IPCEF1: variants seen among roughly 807,000 people sequenced by gnomAD.
IPCEF1 encodes the protein interactor protein for cytohesin exchange factors 1.
A neutral mutation model predicts 50.9 loss-of-function variants in IPCEF1; 31 were observed. The observed-to-expected ratio is 0.61, with a 90% CI of 0.46 to 0.82. The LOEUF is 0.82. Ranked by LOEUF, IPCEF1 falls within the 40% of genes least tolerant of loss-of-function variation. The pLI, the probability that IPCEF1 is intolerant of heterozygous loss-of-function variation, is 0.00. For synonymous variants in IPCEF1, 181 were observed against 192.0 expected (o/e 0.94, Z 0.47); for missense variants, 458 against 514.0 (o/e 0.89, Z 1.05).
At chr6:154,354,615 TACGACC>T in intron 1 of IPCEF1, among the ~76,000 whole-genome samples, 1 of 148,142 alleles carries the variant, frequency 6.8e-6, no homozygotes, top group South Asian at 2.2e-4. Flanking sequence ...TCACCTCCCC[TACGACC>T]ACCACTTCCA....
chr6:154,183,390 T>C (rs924339842), intron 10 of IPCEF1, among the ~76,000 whole-genome samples: 2 of 152,246 alleles, frequency 1.3e-5, no homozygotes, highest in African/African-American at 2.4e-5. Context: ...ACCATATTCA[T>C]GGATGACTTA....
intron 2 of IPCEF1, among the ~76,000 whole-genome samples, chr6:154,272,317 A>T (rs1037102841): frequency 6.6e-6 from 1 of 152,252 alleles, no homozygotes; most frequent in Non-Finnish European, 1.5e-5. Context: ...GGGATTGAAC[A>T]AGTGTGATAA....
At chr6:154,253,851 T>C (rs1411323853) in intron 3 of IPCEF1, among the ~76,000 whole-genome samples, 1 of 152,206 alleles carries the variant, frequency 6.6e-6, no homozygotes, top group Non-Finnish European at 1.5e-5. Flanking sequence ...TCTCTTTCAT[T>C]AATGTCTGCT....
intron 1 of IPCEF1, among the ~76,000 whole-genome samples, chr6:154,326,672 T>C (rs1183100350): frequency 6.6e-6 from 1 of 152,202 alleles, no homozygotes; most frequent in Admixed American, 6.5e-5. Context: ...GCTATTCTCA[T>C]TAAACTACCA....
chr6:154,309,188 T>C (rs1783011304), intron 1 of IPCEF1, among the ~76,000 whole-genome samples: 1 of 152,184 alleles, frequency 6.6e-6, no homozygotes, highest in African/African-American at 2.4e-5. Flanking sequence ...ACAGATAACT[T>C]TCCCTGAGCT....
In IPCEF1 at chr6:154,258,717, A is replaced by G. The variant is rs184831861; in HGVS notation, c.36+7195T>C. Among the ~76,000 whole-genome samples the G allele has an allele frequency of 3.0e-3, 464 of 152,274 alleles. 16 individuals carry two copies. Among genetic ancestry groups the G allele is most frequent in the Non-Finnish European group, 1.0e-3 (70 of 68,016 alleles). ...GTTCTCTCTTAAACAATGACCAACC[A>G]TCTCATTCCTGGACTCCCCGTCTAC... On this transcript the variant is annotated intron_variant, in intron 3 of 11. Coordinates refer to ENST00000367220, the MANE Select transcript of IPCEF1 (RefSeq NM_001130700.2).
chr6:154,265,569 G>A lies in IPCEF1; in HGVS notation c.36+343C>T, dbSNP rs117482020. Among the ~76,000 whole-genome samples, 264 of 152,136 alleles carry A rather than the reference G, an allele frequency of 1.7e-3. 2 individuals are homozygous for A. The highest frequency in any genetic ancestry group is 3.0e-3 in the Non-Finnish European group (207 of 67,982). On this transcript the variant is annotated intron_variant, in intron 3 of 11. Coordinates refer to ENST00000367220, the MANE Select transcript of IPCEF1 (RefSeq NM_001130700.2). ...GCTGGGATTACAGGCATGAGCCACC[G>A]TGCCCAGCCCTATTTCAGTGAAATT...
At chr6:154,259,001 C>A (rs1022240451) in intron 3 of IPCEF1, among the ~76,000 whole-genome samples, 1 of 152,186 alleles carries the variant, frequency 6.6e-6, no homozygotes, top group Non-Finnish European at 1.5e-5. Context: ...ATGTGCCTGG[C>A]AGATAGTGGA....
At chr6:154,176,361 T>C (rs1800328889) in intron 10 of IPCEF1, among the ~76,000 whole-genome samples, 1 of 152,150 alleles carries the variant, frequency 6.6e-6, no homozygotes, top group Admixed American at 6.5e-5. Flanking sequence ...TGTATTCAAT[T>C]AGGAAAAGAG....
intron 1 of IPCEF1, among the ~76,000 whole-genome samples, chr6:154,301,926 T>C (rs1179606601): frequency 6.6e-6 from 1 of 152,254 alleles, no homozygotes; most frequent in African/African-American, 2.4e-5. Flanking sequence ...TGGAATGGAA[T>C]AAACAGCGTG....
At chr6:154,352,363 G>A (rs1219642279) in intron 1 of IPCEF1, among the ~76,000 whole-genome samples, 1 of 152,210 alleles carries the variant, frequency 6.6e-6, no homozygotes, top group Non-Finnish European at 1.5e-5. Context: ...CTTAGTGCAT[G>A]CTGGGTTTTT....
chr6:154,354,006 G>A lies in IPCEF1; in HGVS notation c.-62+2666C>T, dbSNP rs569123426. ...AATGCACAAAGCATAAAGAAAAAAAGAGAAATTAGAGATTAAATTTTTAAG... is the reference window on the plus strand; with the variant it reads ...AATGCACAAAGCATAAAGAAAAAAAAAGAAATTAGAGATTAAATTTTTAAG... On this transcript the variant is annotated intron_variant, in intron 1 of 11. Coordinates refer to ENST00000367220, the MANE Select transcript of IPCEF1 (RefSeq NM_001130700.2). 3.3e-5 allele frequency among the ~76,000 whole-genome samples: 5 copies of A among 152,254 alleles called. No homozygotes were observed. In the South Asian group the frequency reaches 8.3e-4, roughly 25 times the overall value.
chr6:154,255,561 C>G (rs1486576716), intron 3 of IPCEF1, among the ~76,000 whole-genome samples: 1 of 152,156 alleles, frequency 6.6e-6, no homozygotes, highest in Non-Finnish European at 1.5e-5. Flanking sequence ...TAATTGATAA[C>G]TTGCATCTTT....
chr6:154,202,842 G>T (rs537805736), intron 9 of IPCEF1, among the ~76,000 whole-genome samples: 221 of 151,154 alleles, frequency 1.5e-3, no homozygotes, highest in African/African-American at 5.1e-3. Flanking sequence ...TTTTTAAATG[G>T]AGAAAAGAAG....
chr6:154,188,383 C>G (rs1562530688), intron 10 of IPCEF1, among the ~76,000 whole-genome samples: 2 of 151,910 alleles, frequency 1.3e-5, no homozygotes, highest in Non-Finnish European at 2.9e-5. Context: ...GTAAAGAGAC[C>G]AATTTCATGT....
chr6:154,295,723 C>G (rs1190519534), intron 1 of IPCEF1, among the ~76,000 whole-genome samples: 1 of 152,224 alleles, frequency 6.6e-6, no homozygotes, highest in African/African-American at 2.4e-5. Flanking sequence ...CTGTACATGT[C>G]TAAGCTAAAA....
intron 11 of IPCEF1, among the ~76,000 whole-genome samples, chr6:154,163,944 G>A (rs1007761134): frequency 6.6e-6 from 1 of 152,180 alleles, no homozygotes; most frequent in African/African-American, 2.4e-5. Flanking sequence ...CAGAGGGATT[G>A]TTTATAGAAA....
intron 2 of IPCEF1, among the ~76,000 whole-genome samples, chr6:154,286,788 G>C (rs1782370246): frequency 6.6e-6 from 1 of 152,252 alleles, no homozygotes. Flanking sequence ...AACCGAGGCA[G>C]TACACAAGGA....
In IPCEF1 at chr6:154,168,455, G is replaced by C. The variant is rs1173980058; in HGVS notation, c.911-342C>G. On this transcript the variant is annotated intron_variant, in intron 10 of 11. Coordinates refer to ENST00000367220, the MANE Select transcript of IPCEF1 (RefSeq NM_001130700.2). This position sits in a 1 kb window ranked among gnomAD's most constrained non-coding sequence, Gnocchi z 4.1. The stretch of plus-strand genomic sequence containing the variant: ...GTGTCCAAACTCCCCCTATTTATGA[G>C]GGTATCAGTCATGTTGGATTAGAAA... Among the ~76,000 whole-genome samples, 2 of 152,024 alleles carry C rather than the reference G, an allele frequency of 1.3e-5. No homozygotes were observed. Among genetic ancestry groups the C allele is most frequent in the East Asian group, 3.9e-4 (2 of 5,186 alleles).
Sources: allele counts gnomAD v4.1 joint callset (sites outside exome capture counted in the v4.1 genomes callset), GRCh38; gene constraint gnomAD v4.1.1; non-coding constraint Gnocchi (gnomAD v3.1); transcripts MANE v1.5; gene names NCBI Gene and HGNC (gene_info 2026-07-23, HGNC 2026-07-21).